Variants in PTPRD observed in about 807,000 individuals in gnomAD.
PTPRD encodes protein tyrosine phosphatase receptor type D.
In PTPRD, 34 loss-of-function variants were observed where a neutral mutation model predicts 214.5. The observed-to-expected ratio is 0.16, with a 90% CI of 0.12 to 0.21. PTPRD has a LOEUF of 0.21. PTPRD is among the 10% of genes least tolerant of loss of function. The pLI, the probability that PTPRD is intolerant of heterozygous loss-of-function variation, is 1.00. For synonymous variants in PTPRD, 1,128 were observed against 845.7 expected, an observed-to-expected ratio of 1.33 and a Z score of -5.79; for missense variants, 2,545 against 2,398.7, an observed-to-expected ratio of 1.06 and a Z score of -1.27.
At chr9:10,034,225 T>A (rs912180486) in intron 3 of PTPRD, among the ~76,000 whole-genome samples, 2 of 152,064 alleles carry the variant, frequency 1.3e-5, no homozygotes, top group African/African-American at 4.8e-5. Context: ...ACTTTTTTAA[T>A]GCCAAACAAT....
intron 3 of PTPRD, among the ~76,000 whole-genome samples, chr9:10,048,994 C>T (rs771208912): frequency 6.6e-6 from 1 of 151,996 alleles, no homozygotes; most frequent in East Asian, 1.9e-4. Flanking sequence ...TCGGGTAGTT[C>T]AAGAGCAAAA....
chr9:9,685,422 G>A (rs906040018), intron 7 of PTPRD, among the ~76,000 whole-genome samples: 10 of 151,224 alleles, frequency 6.6e-5, no homozygotes, highest in African/African-American at 2.4e-4. Flanking sequence ...TTTCAATTGA[G>A]AGTAAAAATA....
At chr9:8,363,584 G>C (rs1232003803) in intron 39 of PTPRD, among the ~76,000 whole-genome samples, 1 of 152,126 alleles carries the variant, frequency 6.6e-6, no homozygotes. Flanking sequence ...GTTGTACTTG[G>C]GGGTTTTGCT....
rs2132352560 is a variant in PTPRD at position 8,340,384 on chromosome 9, T to C, written c.5212A>G (p.Thr1738Ala). 1 of 1,610,716 alleles carries C rather than the reference T, an allele frequency of 6.2e-7. No individual in the cohort carries two copies. Among genetic ancestry groups the C allele is most frequent in the South Asian group, 1.1e-5 (1 of 90,742 alleles). Residue 1738 changes from threonine (T) to alanine (A), a missense_variant, in exon 42 of 46, where the codon ACC becomes GCC. Physicochemically the swap from Thr to Ala is moderately conservative, Grantham distance 58 (BLOSUM62 0). Coordinates refer to ENST00000381196, the MANE Select transcript of PTPRD (RefSeq NM_002839.4). ...FWRMLWEHNSTIVVMLTKLRE... is the reference protein window; with the variant it reads ...FWRMLWEHNSAIVVMLTKLRE... The stretch of plus-strand genomic sequence containing the variant: ...AGCTTGGTGAGCATCACAACTATGG[T>C]GGAATTGTGTTCCCAGAGCATCCGC...
At position 9,611,795 on chromosome 9, in the gene PTPRD, A is replaced by G. The variant is rs1367828567; in HGVS notation, c.-286-37014T>C. Among the ~76,000 whole-genome samples, 4 of 152,110 alleles carry G rather than the reference A, an allele frequency of 2.6e-5. No individual in the cohort carries two copies. The East Asian group carries it at 7.7e-4, about 29-fold the overall frequency. ...AGTGTTGATATGGTTAAAGTATGGAATATTAATTCCTGGTTTATGTTACAC... is the reference window on the plus strand; with the variant it reads ...AGTGTTGATATGGTTAAAGTATGGAGTATTAATTCCTGGTTTATGTTACAC... On this transcript the variant is annotated intron_variant, in intron 7 of 45. Transcript: ENST00000381196.
At chr9:10,260,756 G>A (rs921865657) in intron 3 of PTPRD, among the ~76,000 whole-genome samples, 2 of 151,940 alleles carry the variant, frequency 1.3e-5, no homozygotes, top group Non-Finnish European at 2.9e-5. Flanking sequence ...TTAACAAAAG[G>A]GAGATTGTAC....
intron 12 of PTPRD, among the ~76,000 whole-genome samples, chr9:8,725,523 T>G (rs988719726): frequency 6.6e-6 from 1 of 152,140 alleles, no homozygotes; most frequent in African/African-American, 2.4e-5. Context: ...AAGATTCTGC[T>G]CAAATTGTGA....
chr9:10,274,062 T>C (rs1468310354), intron 3 of PTPRD, among the ~76,000 whole-genome samples: 1 of 152,064 alleles, frequency 6.6e-6, no homozygotes, highest in East Asian at 1.9e-4. Context: ...TTAATGGCTG[T>C]GGGTTTCTGT....
Position 10,438,590 on chromosome 9 carries a change from T to C in PTPRD, c.-599-97573A>G, listed in dbSNP as rs144396860. 1.3e-4 allele frequency among the ~76,000 whole-genome samples: 20 copies of C among 151,866 alleles called. No homozygotes were observed. The East Asian group carries it at 3.9e-3, about 29-fold the overall frequency. ...TTGATTTCACATTCCATTATTATAA[T>C]AATTATTGTTTTTGTTTTTTAATGA... On this transcript the variant is annotated intron_variant, in intron 2 of 45. Coordinates refer to ENST00000381196, the MANE Select transcript of PTPRD (RefSeq NM_002839.4).
chr9:8,708,308 C>G (rs535754140), intron 12 of PTPRD, among the ~76,000 whole-genome samples: 2 of 152,170 alleles, frequency 1.3e-5, no homozygotes, highest in South Asian at 4.2e-4. Context: ...GGAACCCATA[C>G]ACGCTACTGG....
At chr9:10,381,685 T>C (rs887037895) in intron 2 of PTPRD, among the ~76,000 whole-genome samples, 3 of 151,960 alleles carry the variant, frequency 2.0e-5, no homozygotes, top group Non-Finnish European at 4.4e-5. Context: ...TTCAGGAAAC[T>C]AGGATGTAGT....
chr9:10,407,812 G>T (rs1370158845), intron 2 of PTPRD, among the ~76,000 whole-genome samples: 1 of 151,372 alleles, frequency 6.6e-6, no homozygotes, highest in African/African-American at 2.4e-5. Flanking sequence ...GAAGGAAATT[G>T]TATTTTGTTC....
At chr9:10,464,412 C>T (rs10959113) in intron 2 of PTPRD, among the ~76,000 whole-genome samples, 2 of 143,374 alleles carry the variant, frequency 1.4e-5, no homozygotes, top group African/African-American at 5.3e-5. Context: ...GATAGAGAGA[C>T]AGAGAGAGAG....
rs1451208605 is a variant in PTPRD at position 9,969,522 on chromosome 9, G to C, written c.-471-30912C>G. Among the ~76,000 whole-genome samples, 4 of 152,162 alleles carry C rather than the reference G, an allele frequency of 2.6e-5. No homozygotes were observed. The East Asian group carries it at 7.7e-4, about 29-fold the overall frequency. The stretch of plus-strand genomic sequence containing the variant: ...GCTTTTAATGGAGTTTCAAGTCTTG[G>C]AAGCAAAAAGATTTAAGGAGTCACT... On this transcript the variant is annotated intron_variant, in intron 4 of 45. Coordinates refer to ENST00000381196, the MANE Select transcript of PTPRD (RefSeq NM_002839.4).
chr9:8,765,496 A>C (rs2094667092), intron 11 of PTPRD, among the ~76,000 whole-genome samples: 1 of 152,200 alleles, frequency 6.6e-6, no homozygotes, highest in Non-Finnish European at 1.5e-5. Context: ...AACCATGTGA[A>C]TAAGGTTAGA....
intron 2 of PTPRD, among the ~76,000 whole-genome samples, chr9:10,577,957 G>A (rs1419805005): frequency 1.3e-5 from 2 of 150,422 alleles, no homozygotes; most frequent in Admixed American, 6.6e-5. Context: ...TGTCACCCAG[G>A]CTGGAGTGCA....
chr9:8,779,079 C>G (rs1290506519), intron 11 of PTPRD, among the ~76,000 whole-genome samples: 1 of 152,074 alleles, frequency 6.6e-6, no homozygotes. Flanking sequence ...CAGAGGCAAG[C>G]CCTGGGCTAA....
chr9:8,820,756 G>A (rs1215489776), intron 11 of PTPRD, among the ~76,000 whole-genome samples: 3 of 152,016 alleles, frequency 2.0e-5, no homozygotes, highest in African/African-American at 7.3e-5. Flanking sequence ...TTTTGTGTAT[G>A]TATATATGTC....
intron 4 of PTPRD, among the ~76,000 whole-genome samples, chr9:9,962,593 G>T (rs924558032): frequency 1.3e-5 from 2 of 151,838 alleles, no homozygotes; most frequent in South Asian, 2.1e-4. Context: ...TTCTACAACT[G>T]CCAACATTAT....
Sources: gnomAD v4.1 joint callset for allele counts (sites outside exome capture counted in the v4.1 genomes callset) on GRCh38, gnomAD v4.1.1 for gene constraint, MANE v1.5 for transcripts, NCBI Gene and HGNC (gene_info 2026-07-23, HGNC 2026-07-21) for gene names.